The following RGS7 variants were observed in gnomAD, a reference collection of about 807,000 sequenced individuals.
RGS7 encodes regulator of G protein signaling 7.
Under a neutral mutation model 81.1 loss-of-function variants are expected in RGS7, and 27 were observed. That is an observed-to-expected ratio of 0.33 (90% CI 0.25 to 0.46). The LOEUF (loss-of-function observed/expected upper bound fraction) is 0.46, where lower values mean the gene tolerates loss of function less well. RGS7 is among the 20% of genes least tolerant of loss of function. RGS7 has a pLI of 1.00. For missense variants in RGS7, 396 were observed against 607.4 expected (o/e 0.65, Z 3.66); for synonymous variants, 208 against 207.7 (o/e 1.00, Z -0.01).
intron 2 of RGS7, among the ~76,000 whole-genome samples, chr1:241,212,065 CATTT>C (rs2074273451): frequency 6.6e-6 from 1 of 151,140 alleles, no homozygotes; most frequent in African/African-American, 2.4e-5. Context: ...TATATGTATT[CATTT>C]ATTATACATG....
At chr1:241,300,543 C>T (rs760546703) in intron 2 of RGS7, among the ~76,000 whole-genome samples, 51 of 152,352 alleles carry the variant, frequency 3.3e-4, no homozygotes, top group Non-Finnish European at 5.1e-4. Flanking sequence ...AGATAGACTT[C>T]TTTCACTTAG....
At chr1:240,906,750 C>A (rs1670884146) in intron 6 of RGS7, among the ~76,000 whole-genome samples, 2 of 152,212 alleles carry the variant, frequency 1.3e-5, no homozygotes, top group Admixed American at 6.5e-5. Flanking sequence ...AAAAACATTT[C>A]TTGGCTCAAA....
intron 9 of RGS7, among the ~76,000 whole-genome samples, chr1:240,865,197 A>G (rs1253096363): frequency 6.6e-6 from 1 of 152,192 alleles, no homozygotes; most frequent in Non-Finnish European, 1.5e-5. Context: ...GGGCCTCGTA[A>G]ATAATGGACT....
intron 9 of RGS7, among the ~76,000 whole-genome samples, chr1:240,835,959 G>A (rs1396511561): frequency 2.0e-5 from 3 of 152,132 alleles, no homozygotes; most frequent in African/African-American, 4.8e-5. Flanking sequence ...GGCCCAGCAC[G>A]GAGAAATTTT....
chr1:241,285,238 ACTTGT>A (rs1247409312), intron 2 of RGS7, among the ~76,000 whole-genome samples: 1 of 151,730 alleles, frequency 6.6e-6, no homozygotes, highest in African/African-American at 2.4e-5. Flanking sequence ...TTTGTTGGGG[ACTTGT>A]CTTGTCTGTG....
intron 9 of RGS7, among the ~76,000 whole-genome samples, chr1:240,859,440 G>GTTTTTTTTTTTTTTTTTTTT (rs5782167): frequency 2.7e-5 from 3 of 110,816 alleles, no homozygotes; most frequent in South Asian, 2.9e-4. Context: ...TTTCTTTCCT[G>GTTTTTTTTTTTTTTTTTTTT]TTTTTTTTTT....
Position 240,776,052 on chromosome 1 carries a change from C to CCTT in RGS7, c.*165_*167dup. 1 of 843,204 alleles carries CCTT rather than the reference C, an allele frequency of 1.2e-6. No homozygotes were observed. Among genetic ancestry groups the CCTT allele is most frequent in the Non-Finnish European group, 2.1e-6 (1 of 478,758 alleles). The allele number at this position is 843,204 out of a possible 1,614,324, so 52.2% of individuals were successfully genotyped here. On this transcript the variant is annotated 3_prime_UTR_variant, in exon 19 of 19. Transcript: ENST00000440928. ...TACACACAAAAATAACAATTTAGGT[C>CCTT]CTTTGCTCATGCAACATCTTGTTCT... is the stretch of plus-strand genomic sequence containing the variant.
At chr1:240,837,203 AG>A (rs927171660) in intron 9 of RGS7, among the ~76,000 whole-genome samples, 21 of 152,360 alleles carry the variant, frequency 1.4e-4, no homozygotes, top group African/African-American at 4.6e-4. Flanking sequence ...TCTTTAAAAT[AG>A]GGGCTCCTGC....
intron 3 of RGS7, among the ~76,000 whole-genome samples, chr1:241,045,426 C>T (rs913417225): frequency 6.6e-6 from 1 of 152,038 alleles, no homozygotes; most frequent in Non-Finnish European, 1.5e-5. Flanking sequence ...TGCAGTGGTG[C>T]GATCTTGGCT....
intron 2 of RGS7, among the ~76,000 whole-genome samples, chr1:241,240,575 A>C (rs946522338): frequency 9.2e-5 from 14 of 152,326 alleles, no homozygotes; most frequent in African/African-American, 3.4e-4. Flanking sequence ...AACCTCATAG[A>C]AACATGAGGC....
At chr1:240,844,636 C>T (rs1658727369) in intron 9 of RGS7, among the ~76,000 whole-genome samples, 1 of 152,144 alleles carries the variant, frequency 6.6e-6, no homozygotes, top group Non-Finnish European at 1.5e-5. Context: ...AAAGAGCAGA[C>T]AGAAGATGAA....
At chr1:240,784,111 C>T (rs548850275) in intron 18 of RGS7, among the ~76,000 whole-genome samples, 4 of 149,980 alleles carry the variant, frequency 2.7e-5, no homozygotes, top group Admixed American at 6.6e-5. Context: ...CACTTGAACC[C>T]GGGAGGTGGA....
chr1:241,338,000 T>C (rs1217778028), intron 2 of RGS7, among the ~76,000 whole-genome samples: 1 of 152,262 alleles, frequency 6.6e-6, no homozygotes, highest in Non-Finnish European at 1.5e-5. Context: ...GTTCCAATTC[T>C]ATTTTCCTCA....
At chr1:241,263,759 TA>T (rs1270450324) in intron 2 of RGS7, among the ~76,000 whole-genome samples, 2 of 152,174 alleles carry the variant, frequency 1.3e-5, no homozygotes, top group Admixed American at 1.3e-4. Context: ...ATCAAATTTT[TA>T]AAAAAGAGTC....
intron 2 of RGS7, among the ~76,000 whole-genome samples, chr1:241,290,652 A>G (rs7547660): frequency 0.85 from 129,985 of 152,204 alleles, 55,780 homozygotes; most frequent in East Asian, 1. Flanking sequence ...AACAAAGCAG[A>G]GAGATCAGGT....
rs1335136344 is a variant in RGS7 at position 241,089,092 on chromosome 1, T to TATATATATAC, written c.175+9573_175+9574insGTATATATAT. Among the ~76,000 whole-genome samples, 511 of 100,026 alleles carry TATATATATAC rather than the reference T, an allele frequency of 5.1e-3. 22 individuals are homozygous for TATATATATAC. Among genetic ancestry groups the TATATATATAC allele is most frequent in the Non-Finnish European group, 7.1e-3 (355 of 50,106 alleles). The allele number at this position is 100,026 out of a possible 152,430, so 65.6% of individuals were successfully genotyped here. The stretch of plus-strand genomic sequence containing the variant: ...ATATATATATATATATATATATATA[T>TATATATATAC]ATATACTGGCTTAGACCTAAGGTGA... On this transcript the variant is annotated intron_variant, in intron 3 of 18. Transcript: ENST00000440928.
At chr1:240,791,044 T>C (rs1267324657) in intron 18 of RGS7, among the ~76,000 whole-genome samples, 2 of 152,188 alleles carry the variant, frequency 1.3e-5, no homozygotes, top group Admixed American at 1.3e-4. Context: ...GCTGATGAAA[T>C]AGATGAAAAA....
intron 2 of RGS7, among the ~76,000 whole-genome samples, chr1:241,181,572 G>A (rs1403583950): frequency 1.3e-5 from 2 of 152,222 alleles, no homozygotes; most frequent in African/African-American, 4.8e-5. Flanking sequence ...AAAGGTCAGA[G>A]CTGCTAGAAG....
chr1:241,081,860 G>A (rs1464110883), intron 3 of RGS7, among the ~76,000 whole-genome samples: 1 of 152,170 alleles, frequency 6.6e-6, no homozygotes, highest in Non-Finnish European at 1.5e-5. Context: ...TTTATTTACT[G>A]CTTTTGGCCA....
Sources: gnomAD v4.1 joint callset for allele counts (sites outside exome capture counted in the v4.1 genomes callset) on GRCh38, gnomAD v4.1.1 for gene constraint, MANE v1.5 for transcripts, NCBI Gene and HGNC (gene_info 2026-07-23, HGNC 2026-07-21) for gene names.